Variants in PRPF8 observed in about 807,000 individuals in gnomAD.
PRPF8 encodes pre-mRNA-processing-splicing factor 8.
A neutral mutation model predicts 285.9 loss-of-function variants in PRPF8; 64 were observed. The observed-to-expected ratio is 0.22, with a 90% confidence interval of 0.18 to 0.28. PRPF8 has a LOEUF of 0.28. PRPF8 is among the 10% of genes least tolerant of loss of function. The pLI, the probability that PRPF8 is intolerant of heterozygous loss-of-function variation, is 1.00. For missense variants in PRPF8, 1,426 were observed against 3,026.7 expected, an observed-to-expected ratio of 0.47 and a Z score of 12.41; for synonymous variants, 1,325 against 1,118.2, an observed-to-expected ratio of 1.18 and a Z score of -3.69.
rs557375414 is a variant in PRPF8 at position 1,651,028 on chromosome 17, G to A, written c.6854-72C>T. 6 of 1,613,870 alleles carry A rather than the reference G, an allele frequency of 3.7e-6. No homozygotes were observed. In the South Asian group the frequency reaches 6.6e-5, roughly 18 times the overall value. On this transcript the variant is annotated intron_variant, in intron 42 of 42. Coordinates refer to ENST00000304992, the MANE Select transcript of PRPF8 (RefSeq NM_006445.4). The surrounding 1 kb of genome is among the most constrained non-coding windows in gnomAD (Gnocchi z 5.1). ...TGCAGCCTGCGCCACCTCCAAGCCA[G>A]CCAGGCCCCAAGTGCAAAGGGCGAT... is the stretch of plus-strand genomic sequence containing the variant.
chr17:1,655,277 C>T, intron 37 of PRPF8, 73 bp downstream of exon 37: 1 of 1,563,244 alleles, frequency 6.4e-7, no homozygotes, highest in Non-Finnish European at 8.7e-7. Context: ...AACTTCTAAG[C>T]CTAAGTGCTT....
At position 1,675,080 on chromosome 17, in the gene PRPF8, C is replaced by T. The variant is rs1912543154; in HGVS notation, c.3060+72G>A. On this transcript the variant is annotated intron_variant, in intron 20 of 42. Transcript: ENST00000304992. This position sits in a 1 kb window ranked among gnomAD's most constrained non-coding sequence, Gnocchi z 6.0. Reference sequence around the variant, plus strand: ...GAGCCACCGCACCCAGCCTCCTCCTCAGCAAATTCTGAGTCAGTGGGCCAG... The same window carrying T: ...GAGCCACCGCACCCAGCCTCCTCCTTAGCAAATTCTGAGTCAGTGGGCCAG... The T allele has an allele frequency of 3.8e-6, 6 of 1,588,620 alleles. No homozygotes were observed. The highest frequency in any genetic ancestry group is 5.2e-6 in the Non-Finnish European group (6 of 1,161,974).
chr17:1,675,585 C>T lies in PRPF8; in HGVS notation c.2872+35G>A. The T allele has an allele frequency of 6.2e-7, 1 of 1,613,348 alleles. No individual in the cohort carries two copies. The highest frequency in any genetic ancestry group is 2.2e-5 in the East Asian group (1 of 44,882). ...TTTGACGTAGAACTAAATTCCTGCCCCGTTCCTCACAGGGCGATCTCATGA... is the reference window on the plus strand; with the variant it reads ...TTTGACGTAGAACTAAATTCCTGCCTCGTTCCTCACAGGGCGATCTCATGA... On this transcript the variant is annotated intron_variant, in intron 19 of 42. Transcript: ENST00000304992. This position sits in a 1 kb window ranked among gnomAD's most constrained non-coding sequence, Gnocchi z 6.0.
intron 24 of PRPF8, among the ~76,000 whole-genome samples, chr17:1,671,005 C>T (rs1355825010): frequency 6.6e-6 from 1 of 152,140 alleles, no homozygotes; most frequent in Non-Finnish European, 1.5e-5. Flanking sequence ...ATGATTCTTC[C>T]TAAGGTGTGC....
chr17:1,677,837 A>C lies in PRPF8; in HGVS notation c.1855-143T>G, dbSNP rs113704781. The C allele has an allele frequency of 1.7e-5, 18 of 1,076,500 alleles. 1 individual carries two copies. Among genetic ancestry groups the C allele is most frequent in the East Asian group, 1.0e-4 (4 of 39,930 alleles). The allele number at this position is 1,076,500 out of a possible 1,614,324, so 66.7% of individuals were successfully genotyped here. A position where few individuals can be genotyped will look rare whatever the true frequency, so the allele number is the denominator to read the frequency against. On this transcript the variant is annotated intron_variant, in intron 13 of 42. Transcript: ENST00000304992. ...GCAGTAGAGGGGTAAAAAGAAAAAA[A>C]AACTCTGGGACCTCAACATCTAAAA...
rs777393193 is a variant in PRPF8 at position 1,659,730 on chromosome 17, G to C, written c.4946+111C>G. ...TTGACAGGCTCCAAGCGTAGCACTG[G>C]CTCCAAGTTTGAAACAAAGGCAGAC... On this transcript the variant is annotated intron_variant, in intron 31 of 42. Transcript: ENST00000304992. The surrounding 1 kb of genome is among the most constrained non-coding windows in gnomAD (Gnocchi z 5.1). 125 of 1,439,342 alleles carry C rather than the reference G, an allele frequency of 8.7e-5. No homozygotes were observed. The highest frequency in any genetic ancestry group is 1.9e-5 in the Admixed American group (1 of 51,760). 89.2% of individuals were successfully genotyped at this position (1,439,342 alleles called of 1,614,324 possible).
intron 24 of PRPF8, among the ~76,000 whole-genome samples, chr17:1,671,627 G>A (rs1309940203): frequency 1.3e-5 from 2 of 151,936 alleles, no homozygotes; most frequent in Non-Finnish European, 1.5e-5. Flanking sequence ...TGAGGCAGGC[G>A]GATCACAAGG....
At chr17:1,655,285 C>T in intron 37 of PRPF8, 65 bp downstream of exon 37, 1 of 1,584,164 alleles carries the variant, frequency 6.3e-7, no homozygotes, top group South Asian at 1.1e-5. Flanking sequence ...AGCCTAAGTG[C>T]TTCCAAAAAA....
At chr17:1,682,069 T>C (rs1912961593) in intron 4 of PRPF8, 31 bp from the exon 5 acceptor site, 2 of 1,613,490 alleles carry the variant, frequency 1.2e-6, no homozygotes, top group Non-Finnish European at 1.7e-6. Flanking sequence ...CAACCATTTC[T>C]ACCCACTGCC....
Position 1,679,213 on chromosome 17 carries a change from T to C in PRPF8, c.1410-7A>G. ...GAAGGAGCGGAACAAATACCTGAGG[T>C]GGGAACATGGAGAGTAAGAGTCAGC... On this transcript the variant is annotated splice_region_variant and splice_polypyrimidine_tract_variant and intron_variant, in intron 10 of 42. Transcript: ENST00000304992. The surrounding 1 kb of genome is among the most constrained non-coding windows in gnomAD (Gnocchi z 4.7). The C allele has an allele frequency of 6.2e-7, 1 of 1,614,130 alleles. No individual in the cohort carries two copies. Among genetic ancestry groups the C allele is most frequent in the African/African-American group, 1.3e-5 (1 of 75,030 alleles).
chr17:1,658,102 C>A lies in PRPF8; in HGVS notation c.5505+151G>T. ...AAGCACCTCATACACTCTTGGACCT[C>A]CCACAGAATACTTCCCAAGGTATTT... On this transcript the variant is annotated intron_variant, in intron 34 of 42. Transcript: ENST00000304992. This position sits in a 1 kb window ranked among gnomAD's most constrained non-coding sequence, Gnocchi z 4.1. The A allele has an allele frequency of 8.2e-7, 1 of 1,217,152 alleles. No individual in the cohort carries two copies. Among genetic ancestry groups the A allele is most frequent in the Non-Finnish European group, 1.2e-6 (1 of 850,598 alleles). 75.4% of individuals were successfully genotyped at this position (1,217,152 alleles called of 1,614,324 possible).
At chr17:1,677,933 A>C (rs1412316671) in intron 13 of PRPF8, among the ~76,000 whole-genome samples, 1 of 152,226 alleles carries the variant, frequency 6.6e-6, no homozygotes, top group African/African-American at 2.4e-5. Flanking sequence ...TTAAAGGAGC[A>C]GTAAGGACAC....
intron 3 of PRPF8, chr17:1,683,138 G>A: frequency 3.2e-6 from 1 of 315,746 alleles, no homozygotes; most frequent in Non-Finnish European, 6.2e-6. Flanking sequence ...TGGGACTACA[G>A]ACACCTGCCA....
chr17:1,666,502 G>C (rs1312333022), intron 24 of PRPF8, among the ~76,000 whole-genome samples: 1 of 149,686 alleles, frequency 6.7e-6, no homozygotes. Context: ...AGTGAGCTGA[G>C]ACTGCGACAC....
At chr17:1,657,663 AAG>A (rs1911463432) in intron 34 of PRPF8, among the ~76,000 whole-genome samples, 1 of 149,094 alleles carries the variant, frequency 6.7e-6, no homozygotes, top group Non-Finnish European at 1.5e-5. Flanking sequence ...AAAAAAAAAA[AAG>A]AGAATATGCA....
intron 21 of PRPF8, 146 bp from the exon 22 acceptor site, chr17:1,674,038 T>C (rs1330189063): frequency 1.3e-5 from 13 of 985,704 alleles, no homozygotes; most frequent in Non-Finnish European, 2.0e-5. Flanking sequence ...TATTTATTTA[T>C]TTTTTGAGAC....
rs1455775460 is a variant in PRPF8 at position 1,659,222 on chromosome 17, C to T, written c.5138+135G>A. On this transcript the variant is annotated intron_variant, in intron 32 of 42. Transcript: ENST00000304992. The surrounding 1 kb of genome is among the most constrained non-coding windows in gnomAD (Gnocchi z 5.1). ...TTGTATTTTGGTAGAGACAGGGTTT[C>T]ACCATGTTGCCCAGACTGGTCTCAA... 2.0e-6 allele frequency: 2 copies of T among 1,000,738 alleles called. No individual in the cohort carries two copies. The highest frequency in any genetic ancestry group is 4.9e-5 in the East Asian group (2 of 40,410). 62.0% of individuals were successfully genotyped at this position (1,000,738 alleles called of 1,614,324 possible). A position where few individuals can be genotyped will look rare whatever the true frequency, so the allele number is the denominator to read the frequency against.
At chr17:1,657,458 A>T (rs1911447903) in intron 34 of PRPF8, among the ~76,000 whole-genome samples, 1 of 152,072 alleles carries the variant, frequency 6.6e-6, no homozygotes. Flanking sequence ...ATCCTGGCCA[A>T]CATGGTGAAA....
In PRPF8 at chr17:1,659,264, A is replaced by C; in HGVS notation, c.5138+93T>G. ...TGGTCTCAAACTCCTGAGCTCAGAC[A>C]ATCTGCCCACCGCGGCCTCCCAAAG... On this transcript the variant is annotated intron_variant, in intron 32 of 42. Coordinates refer to ENST00000304992, the MANE Select transcript of PRPF8 (RefSeq NM_006445.4). This position sits in a 1 kb window ranked among gnomAD's most constrained non-coding sequence, Gnocchi z 5.1. 1 of 1,415,830 alleles carries C rather than the reference A, an allele frequency of 7.1e-7. No individual in the cohort carries two copies. The highest frequency in any genetic ancestry group is 9.9e-7 in the Non-Finnish European group (1 of 1,005,336). 87.7% of individuals were successfully genotyped at this position (1,415,830 alleles called of 1,614,324 possible).
Sources: gnomAD v4.1 joint callset for allele counts (sites outside exome capture counted in the v4.1 genomes callset) on GRCh38, gnomAD v4.1.1 for gene constraint, Gnocchi (gnomAD v3.1) non-coding constraint, MANE v1.5 for transcripts, NCBI Gene and HGNC (gene_info 2026-07-23, HGNC 2026-07-21) for gene names.